Variants in UGT1A1 observed in about 807,000 individuals in gnomAD.
UGT1A1 encodes the protein UDP-glucuronosyltransferase 1A1.
A neutral mutation model predicts 40.6 loss-of-function variants in UGT1A1; 33 were observed. That is an observed-to-expected ratio of 0.81 (90% CI 0.62 to 1.09). The LOEUF is 1.09. UGT1A1 is among the 50% of genes least tolerant of loss of function. The pLI is 0.00. For synonymous variants in UGT1A1, 249 were observed against 265.0 expected (o/e 0.94, Z 0.59); for missense variants, 694 against 671.2 (o/e 1.03, Z -0.38).
At position 233,760,336 on chromosome 2, in the gene UGT1A1, C is replaced by A. The variant is rs1472715638; in HGVS notation, c.49C>A (p.Leu17Met). The change falls in exon 1 of 5, where the codon CTG becomes ATG. Residue 17 changes from leucine to methionine, a missense_variant. Coordinates refer to ENST00000305208, the MANE Select transcript of UGT1A1 (RefSeq NM_000463.3). ...GGRPLVLGLL[L>M]CVLGPVVSHA... ...ACGCCCACTTGTCCTGGGCCTGCTG[C>A]TGTGTGTGCTGGGCCCAGTGGTGTC... 1 of 1,614,048 alleles carries A rather than the reference C, an allele frequency of 6.2e-7. No homozygotes were observed.
chr2:233,766,585 G>A (rs1016585528), intron 1 of UGT1A1, among the ~76,000 whole-genome samples: 22 of 152,180 alleles, frequency 1.4e-4, no homozygotes, highest in African/African-American at 5.3e-4. Flanking sequence ...TGGGGGTGGA[G>A]CCCTCGCCAG....
At chr2:233,768,021 G>A (rs1699549230) in intron 3 of UGT1A1, 85 bp downstream of exon 3, 3 of 1,613,440 alleles carry the variant, frequency 1.9e-6, no homozygotes, top group East Asian at 2.2e-5. Flanking sequence ...AAGGATTGTT[G>A]AGCTTGAAAA....
chr2:233,763,286 C>G (rs1023575822), intron 1 of UGT1A1, among the ~76,000 whole-genome samples: 3 of 152,120 alleles, frequency 2.0e-5, no homozygotes, highest in Non-Finnish European at 2.9e-5. Context: ...ATCTGAAATT[C>G]CACTTTTTGG....
At position 233,768,342 on chromosome 2, in the gene UGT1A1, C is replaced by A. The variant is rs778766461; in HGVS notation, c.1207C>A (p.Arg403Ser). ...LFGDQMDNAK[R>S]METKGAGVTL... ...TGGTGATCAGATGGACAATGCAAAGCGCATGGAGACTAAGGGAGCTGGAGT... is the reference window on the plus strand; with the variant it reads ...TGGTGATCAGATGGACAATGCAAAGAGCATGGAGACTAAGGGAGCTGGAGT... The change falls in exon 4 of 5, where the codon CGC becomes AGC. Residue 403 changes from arginine (R) to serine (S), a missense_variant. By Grantham distance (110) the Arg-to-Ser change is moderately radical. Coordinates refer to ENST00000305208, the MANE Select transcript of UGT1A1 (RefSeq NM_000463.3). 6.2e-7 allele frequency: 1 copy of A among 1,613,974 alleles called. No individual in the cohort carries two copies. Among genetic ancestry groups the A allele is most frequent in the Non-Finnish European group, 8.5e-7 (1 of 1,180,048 alleles).
In UGT1A1 at chr2:233,769,590, G is replaced by A; in HGVS notation, c.1304+1151G>A. On this transcript the variant is annotated intron_variant, in intron 4 of 4. Coordinates refer to ENST00000305208, the MANE Select transcript of UGT1A1 (RefSeq NM_000463.3). This position sits in a 1 kb window ranked among gnomAD's most constrained non-coding sequence, Gnocchi z 4.4. Reference sequence around the variant, plus strand: ...GCTGGAGCATGTTCAGATGAGAGGAGACGGAACACGGGGACACACCAGCTT... The same window carrying A: ...GCTGGAGCATGTTCAGATGAGAGGAAACGGAACACGGGGACACACCAGCTT... 6.2e-7 allele frequency: 1 copy of A among 1,612,882 alleles called. No individual in the cohort carries two copies. Among genetic ancestry groups the A allele is most frequent in the African/African-American group, 1.3e-5 (1 of 75,046 alleles).
Position 233,772,634 on chromosome 2 carries a change from T to C in UGT1A1, c.*75T>C. On this transcript the variant is annotated 3_prime_UTR_variant, in exon 5 of 5. Transcript: ENST00000305208. ...CCAAACTTGAAAACAGAATCAGTGT[T>C]AAATTCATTTTATTCTTATTAAGGA... The C allele has an allele frequency of 6.4e-7, 1 of 1,555,940 alleles. No individual in the cohort carries two copies. The highest frequency in any genetic ancestry group is 2.4e-5 in the East Asian group (1 of 41,342).
intron 3 of UGT1A1, 42 bp downstream of exon 3, chr2:233,767,978 A>G: frequency 3.1e-6 from 5 of 1,614,204 alleles, no homozygotes; most frequent in Non-Finnish European, 4.2e-6. Flanking sequence ...ACCAGGGTCA[A>G]ATTAAGAAAA....
At chr2:233,767,764 C>A (rs1699474752) in intron 2 of UGT1A1, 85 bp from the exon 3 acceptor site, 1 of 1,608,290 alleles carries the variant, frequency 6.2e-7, no homozygotes, top group East Asian at 2.2e-5. Flanking sequence ...TTCAGAGGAC[C>A]CCTGTTTTCT....
chr2:233,768,011 A>C lies in UGT1A1; in HGVS notation c.1084+75A>C, dbSNP rs1159299269. On this transcript the variant is annotated intron_variant, in intron 3 of 4. Coordinates refer to ENST00000305208, the MANE Select transcript of UGT1A1 (RefSeq NM_000463.3). ...AAATGGCTTAAGCACAGCTATTCTA[A>C]AGGATTGTTGAGCTTGAAAATATTA... 8 of 1,613,860 alleles carry C rather than the reference A, an allele frequency of 5.0e-6. No individual in the cohort carries two copies. In the East Asian group the frequency reaches 1.8e-4, roughly 36 times the overall value.
chr2:233,761,370 T>C (rs1346260530), intron 1 of UGT1A1, among the ~76,000 whole-genome samples: 1 of 152,186 alleles, frequency 6.6e-6, no homozygotes, highest in Non-Finnish European at 1.5e-5. Flanking sequence ...TCCTTGGACA[T>C]TTTACTCTGT....
In UGT1A1 at chr2:233,760,900, AC is replaced by A. The variant is rs1697605792; in HGVS notation, c.615del (p.Phe206SerfsTer5). 3.1e-6 allele frequency: 5 copies of A among 1,613,652 alleles called. No individual in the cohort carries two copies. The highest frequency in any genetic ancestry group is 3.3e-5 in the Admixed American group (2 of 59,970). On this transcript the variant is annotated frameshift_variant, in exon 1 of 5. Coordinates refer to ENST00000305208, the MANE Select transcript of UGT1A1 (RefSeq NM_000463.3). LOFTEE classifies it high-confidence loss of function. The stretch of plus-strand genomic sequence containing the variant: ...TCTCTCCTCTCATTCAGATCACATG[AC>A]CTTCCTGCAGCGGGTGAAGAACATG... ...RPLSSHSDHM[T>X]FLQRVKNMLI... is the part of the protein sequence containing the mutation.
chr2:233,772,178 T>C, intron 4 of UGT1A1, 84 bp from the exon 5 acceptor site: 1 of 1,584,068 alleles, frequency 6.3e-7, no homozygotes, highest in Non-Finnish European at 8.6e-7. Context: ...AATCTGGTAG[T>C]CTTCTTAAGC....
chr2:233,762,954 A>G (rs1248639717), intron 1 of UGT1A1, among the ~76,000 whole-genome samples: 1 of 152,252 alleles, frequency 6.6e-6, no homozygotes, highest in Admixed American at 6.5e-5. Context: ...TTCTGGCAAT[A>G]GGAAAGATGC....
chr2:233,761,974 C>T (rs914774281), intron 1 of UGT1A1, among the ~76,000 whole-genome samples: 3 of 152,214 alleles, frequency 2.0e-5, no homozygotes, highest in African/African-American at 7.2e-5. Context: ...CTGATATCAC[C>T]TTCGGAGGTG....
Position 233,767,180 on chromosome 2 carries a change from T to C in UGT1A1, c.996+15T>C, listed in dbSNP as rs4148327. 1,996 of 1,614,008 alleles carry C rather than the reference T, an allele frequency of 1.2e-3. 35 individuals are homozygous for C. In the East Asian group the frequency reaches 0.04, roughly 32 times the overall value. On this transcript the variant is annotated intron_variant, in intron 2 of 4. Transcript: ENST00000305208. Reference sequence around the variant, plus strand: ...TCCCTCAGACAGTAAGAAGATTCTATACCATGGCCTCATATCTATTTTCAC... The same window carrying C: ...TCCCTCAGACAGTAAGAAGATTCTACACCATGGCCTCATATCTATTTTCAC...
chr2:233,761,598 A>G (rs1310966456), intron 1 of UGT1A1, among the ~76,000 whole-genome samples: 2 of 152,232 alleles, frequency 1.3e-5, no homozygotes, highest in African/African-American at 4.8e-5. Flanking sequence ...TTAAAGCTCC[A>G]GTTTCTAAAT....
In UGT1A1 at chr2:233,768,412, C is replaced by T. The variant is rs756044146; in HGVS notation, c.1277C>T (p.Ala426Val). The change falls in exon 4 of 5, where the codon GCT becomes GTT. Residue 426 changes from alanine to valine, a missense_variant. By Grantham distance (64) the Ala-to-Val change is moderately conservative. Transcript: ENST00000305208. The stretch of plus-strand genomic sequence containing the variant: ...ATGACTTCTGAAGATTTAGAAAATG[C>T]TCTAAAAGCAGTCATCAATGACAAA... ...LEMTSEDLEN[A>V]LKAVINDKSY... 8.1e-6 allele frequency: 13 copies of T among 1,614,062 alleles called. No homozygotes were observed. Among genetic ancestry groups the T allele is most frequent in the Non-Finnish European group, 1.1e-5 (13 of 1,180,014 alleles).
rs757687307 is a variant in UGT1A1, at chr2:233,767,853, T to A, written c.1001T>A (p.Leu334Gln). The change falls in exon 3 of 5, where the codon CTG (leucine) becomes CAG (glutamine). Residue 334 changes from leucine (L) to glutamine (Q), a missense_variant. Physicochemically the swap from Leu to Gln is moderately radical, Grantham distance 113 (BLOSUM62 -2). Transcript: ENST00000305208. ...DALGKIPQTV[L>Q]WRYTGTRPSN... ...TGCTCTTTTTGCCCCTCCCAGGTCCTGTGGCGGTACACTGGAACCCGACCA... is the reference window on the plus strand; with the variant it reads ...TGCTCTTTTTGCCCCTCCCAGGTCCAGTGGCGGTACACTGGAACCCGACCA... 7.4e-6 allele frequency: 12 copies of A among 1,614,210 alleles called. No homozygotes were observed. Among genetic ancestry groups the A allele is most frequent in the African/African-American group, 1.3e-5 (1 of 75,056 alleles).
Position 233,760,655 on chromosome 2 carries a change from T to C in UGT1A1, c.368T>C (p.Leu123Pro), listed in dbSNP as rs1293428675. 1.9e-6 allele frequency: 3 copies of C among 1,614,216 alleles called. No homozygotes were observed. Among genetic ancestry groups the C allele is most frequent in the South Asian group, 2.2e-5 (2 of 91,086 alleles). Residue 123 changes from leucine (L) to proline (P), a missense_variant, in exon 1 of 5, where the codon CTT becomes CCT. Transcript: ENST00000305208. Reference protein sequence around the residue: ...YKKIKKDSAMLLSGCSHLLHN... With the variant: ...YKKIKKDSAMPLSGCSHLLHN... ...AAAATAAAAAAGGACTCTGCTATGC[T>C]TTTGTCTGGCTGTTCCCACTTACTG...
Sources: gnomAD v4.1 joint callset for allele counts (sites outside exome capture counted in the v4.1 genomes callset) on GRCh38, gnomAD v4.1.1 for gene constraint, Gnocchi (gnomAD v3.1) non-coding constraint, MANE v1.5 for transcripts, NCBI Gene and HGNC (gene_info 2026-07-23, HGNC 2026-07-21) for gene names.